ZKSCAN8: variants seen among roughly 807,000 people sequenced by gnomAD.
The protein encoded by ZKSCAN8 is zinc finger with KRAB and SCAN domains 8.
ZKSCAN8 carries 27 observed loss-of-function variants against 57.2 expected under a neutral mutation model. That is an observed-to-expected ratio of 0.47 (90% CI 0.35 to 0.65). ZKSCAN8 has a LOEUF of 0.65. ZKSCAN8 is among the 30% of genes least tolerant of loss of function. The pLI is 0.01. For missense variants in ZKSCAN8, 597 were observed against 696.3 expected, an observed-to-expected ratio of 0.86 and a Z score of 1.60; for synonymous variants, 214 against 248.7, an observed-to-expected ratio of 0.86 and a Z score of 1.31.
intron 3 of ZKSCAN8, 81 bp from the exon 4 acceptor site, chr6:28,151,764 A>C: frequency 8.6e-7 from 1 of 1,163,584 alleles, no homozygotes; most frequent in Non-Finnish European, 1.3e-6. Flanking sequence ...CTGAAATAAA[A>C]ATAATTTGGA....
chr6:28,154,953 A>G lies in ZKSCAN8; in HGVS notation c.*936A>G, dbSNP rs1765737041. 2.0e-5 allele frequency: 3 copies of G among 152,656 alleles called. No individual in the cohort carries two copies. The highest frequency in any genetic ancestry group is 7.2e-5 in the African/African-American group (3 of 41,450). 9.5% of individuals were successfully genotyped at this position (152,656 alleles called of 1,614,324 possible). The stretch of plus-strand genomic sequence containing the variant: ...GGAGACGAAGATGCTTTAGGAAGAT[A>G]AAAACCTTACAAAGAATGTATACTC... On this transcript the variant is annotated 3_prime_UTR_variant, in exon 6 of 6. Coordinates refer to ENST00000330236, the MANE Select transcript of ZKSCAN8 (RefSeq NM_006298.4).
Position 28,141,981 on chromosome 6 carries a change from A to T in ZKSCAN8, c.-141A>T, listed in dbSNP as rs1271280684. ...CCCCGACCTTCCTTCGAGTCTGTTT[A>T]TCCGTTGCAGCCTCCCTTCCCCACG... On this transcript the variant is annotated 5_prime_UTR_variant, in exon 1 of 6. Transcript: ENST00000330236. 1 of 152,302 alleles carries T rather than the reference A, an allele frequency of 6.6e-6. No individual in the cohort carries two copies. Among genetic ancestry groups the T allele is most frequent in the Non-Finnish European group, 1.5e-5 (1 of 68,112 alleles). The allele number at this position is 152,302 out of a possible 1,614,324, so 9.4% of individuals were successfully genotyped here.
In ZKSCAN8 at chr6:28,157,849, T is replaced by A. The variant is rs1225603; in HGVS notation, c.*3832T>A. 3.3e-5 allele frequency: 5 copies of A among 152,186 alleles called. No homozygotes were observed. The highest frequency in any genetic ancestry group is 1.2e-4 in the African/African-American group (5 of 41,432). 9.4% of individuals were successfully genotyped at this position (152,186 alleles called of 1,614,324 possible). On this transcript the variant is annotated 3_prime_UTR_variant, in exon 6 of 6. Transcript: ENST00000330236. ...ATTGTGGAGGGAAATGAAATATCCA[T>A]GTACCAGGCCAGGCAGATGGTCAGT...
Position 28,152,359 on chromosome 6 carries a change from A to T in ZKSCAN8, c.750A>T (p.Glu250Asp). Residue 250 changes from glutamate (E) to aspartate (D), a missense_variant, in exon 5 of 6, where the codon GAA becomes GAT. Transcript: ENST00000330236. ...ATCTGTGTAGAGATAACAGGCCAGAAAATTTCAGAAACATGTTCTCCCTGG... is the reference window on the plus strand; with the variant it reads ...ATCTGTGTAGAGATAACAGGCCAGATAATTTCAGAAACATGTTCTCCCTGG... ...QKDLCRDNRP[E>D]NFRNMFSLGG... 1 of 1,609,244 alleles carries T rather than the reference A, an allele frequency of 6.2e-7. No homozygotes were observed. Among genetic ancestry groups the T allele is most frequent in the Non-Finnish European group, 8.5e-7 (1 of 1,178,814 alleles).
rs188123704 is a variant in ZKSCAN8, at chr6:28,157,385, T to G, written c.*3368T>G. On this transcript the variant is annotated 3_prime_UTR_variant, in exon 6 of 6. Transcript: ENST00000330236. ...ATGGGACACAGCCAAACCATATCAATAGGTATTATTTTATCCCCCATTTTA... is the reference window on the plus strand; with the variant it reads ...ATGGGACACAGCCAAACCATATCAAGAGGTATTATTTTATCCCCCATTTTA... The G allele has an allele frequency of 2.6e-5, 4 of 152,220 alleles. No homozygotes were observed. In the East Asian group the frequency reaches 7.7e-4, roughly 29 times the overall value. The allele number at this position is 152,220 out of a possible 1,614,324, so 9.4% of individuals were successfully genotyped here. A position where few individuals can be genotyped will look rare whatever the true frequency, so the allele number is the denominator to read the frequency against.
chr6:28,146,210 G>T (rs1324463409), intron 1 of ZKSCAN8, among the ~76,000 whole-genome samples: 1 of 152,114 alleles, frequency 6.6e-6, no homozygotes, highest in African/African-American at 2.4e-5. Flanking sequence ...AATGTTCTTC[G>T]ATTCTATCAA....
At chr6:28,149,156 CTTA>C (rs986309203) in intron 2 of ZKSCAN8, among the ~76,000 whole-genome samples, 3 of 152,044 alleles carry the variant, frequency 2.0e-5, no homozygotes, top group African/African-American at 7.2e-5. Flanking sequence ...TTTCTAGTTC[CTTA>C]TTAAAAGATT....
intron 1 of ZKSCAN8, among the ~76,000 whole-genome samples, chr6:28,147,971 A>G (rs1042698673): frequency 6.6e-6 from 1 of 152,202 alleles, no homozygotes; most frequent in Non-Finnish European, 1.5e-5. Context: ...TGGTGTATCA[A>G]AGACTAAAAG....
intron 1 of ZKSCAN8, among the ~76,000 whole-genome samples, chr6:28,146,827 G>C (rs1765414042): frequency 1.3e-5 from 2 of 152,106 alleles, no homozygotes; most frequent in Admixed American, 6.5e-5. Context: ...ATAGTGAACT[G>C]ATATTTGACA....
At chr6:28,151,223 C>A (rs1319774740) in intron 3 of ZKSCAN8, among the ~76,000 whole-genome samples, 3 of 152,056 alleles carry the variant, frequency 2.0e-5, no homozygotes, top group Non-Finnish European at 4.4e-5. Context: ...TACTTTATTG[C>A]AGAATGAGGT....
rs1765803838 is a variant in ZKSCAN8 at position 28,156,975 on chromosome 6, C to G, written c.*2958C>G. 6.6e-6 allele frequency: 1 copy of G among 152,230 alleles called. No homozygotes were observed. The allele number at this position is 152,230 out of a possible 1,614,324, so 9.4% of individuals were successfully genotyped here. A position where few individuals can be genotyped will look rare whatever the true frequency, so the allele number is the denominator to read the frequency against. ...ATAGCCGACGTTTATTGAGCACTTA[C>G]TATGTGCCCAACCCTGTTATGCCTT... On this transcript the variant is annotated 3_prime_UTR_variant, in exon 6 of 6. Transcript: ENST00000330236.
In ZKSCAN8 at chr6:28,156,987, C is replaced by T. The variant is rs1765804088; in HGVS notation, c.*2970C>T. Reference sequence around the variant, plus strand: ...TATTGAGCACTTACTATGTGCCCAACCCTGTTATGCCTTTCTCAGGCTCAT... The same window carrying T: ...TATTGAGCACTTACTATGTGCCCAATCCTGTTATGCCTTTCTCAGGCTCAT... On this transcript the variant is annotated 3_prime_UTR_variant, in exon 6 of 6. Transcript: ENST00000330236. 1 of 152,182 alleles carries T rather than the reference C, an allele frequency of 6.6e-6. No homozygotes were observed. The highest frequency in any genetic ancestry group is 1.9e-4 in the East Asian group (1 of 5,194). 9.4% of individuals were successfully genotyped at this position (152,182 alleles called of 1,614,324 possible).
chr6:28,149,079 G>C lies in ZKSCAN8; in HGVS notation c.417+255G>C, dbSNP rs150086800. Among the ~76,000 whole-genome samples the C allele has an allele frequency of 7.2e-3, 1,095 of 152,268 alleles. 11 individuals are homozygous for C. Among genetic ancestry groups the C allele is most frequent in the African/African-American group, 0.022 (914 of 41,550 alleles). ...TGCCAGATGGGAACTTGATGCATAG[G>C]AAGCTTAAGTTAATTTTTCAGGGGT... On this transcript the variant is annotated intron_variant, in intron 2 of 5. Transcript: ENST00000330236.
chr6:28,151,617 C>G (rs1482549824), intron 3 of ZKSCAN8, among the ~76,000 whole-genome samples: 1 of 152,190 alleles, frequency 6.6e-6, no homozygotes, highest in African/African-American at 2.4e-5. Flanking sequence ...AGTATACTTT[C>G]TATTTTTGAG....
rs374416230 is a variant in ZKSCAN8 at position 28,148,376 on chromosome 6, G to A, written c.-32G>A. On this transcript the variant is annotated 5_prime_UTR_variant, in exon 2 of 6. Coordinates refer to ENST00000330236, the MANE Select transcript of ZKSCAN8 (RefSeq NM_006298.4). The stretch of plus-strand genomic sequence containing the variant: ...CTCTTAAGAAGATAAAGAAGGTAGT[G>A]GAAACGAACTTCCTGAGCTTTTCAG... The A allele has an allele frequency of 2.8e-4, 441 of 1,586,072 alleles. No homozygotes were observed. Among genetic ancestry groups the A allele is most frequent in the African/African-American group, 9.7e-4 (71 of 73,426 alleles).
chr6:28,151,743 A>G (rs1217105303), intron 3 of ZKSCAN8, 102 bp from the exon 4 acceptor site: 1 of 952,966 alleles, frequency 1.0e-6, no homozygotes, highest in Non-Finnish European at 1.7e-6. Flanking sequence ...TTTGGCATAC[A>G]TGTATATCTG....
In ZKSCAN8 at chr6:28,151,732, C is replaced by A. The variant is rs558332473; in HGVS notation, c.560-113C>A. On this transcript the variant is annotated intron_variant, in intron 3 of 5. Transcript: ENST00000330236. ...GATATCAGCACTTCATGTGCAAAATCTTTGGCATACATGTATATCTGCTGA... is the reference window on the plus strand; with the variant it reads ...GATATCAGCACTTCATGTGCAAAATATTTGGCATACATGTATATCTGCTGA... The A allele has an allele frequency of 4.7e-6, 4 of 849,538 alleles. No individual in the cohort carries two copies. In the East Asian group the frequency reaches 7.4e-5, roughly 16 times the overall value. 52.6% of individuals were successfully genotyped at this position (849,538 alleles called of 1,614,324 possible).
rs1410655651 is a variant in ZKSCAN8, at chr6:28,155,235, C to G, written c.*1218C>G. 17 of 152,294 alleles carry G rather than the reference C, an allele frequency of 1.1e-4. No individual in the cohort carries two copies. The highest frequency in any genetic ancestry group is 1.5e-5 in the Non-Finnish European group (1 of 68,034). The allele number at this position is 152,294 out of a possible 1,614,324, so 9.4% of individuals were successfully genotyped here. On this transcript the variant is annotated 3_prime_UTR_variant, in exon 6 of 6. Coordinates refer to ENST00000330236, the MANE Select transcript of ZKSCAN8 (RefSeq NM_006298.4). ...GGTGCACTCCATCTGTAATCCATGT[C>G]TATAATCTACCAACAAAGATGTACT...
intron 1 of ZKSCAN8, among the ~76,000 whole-genome samples, chr6:28,147,565 C>T (rs1475957581): frequency 6.6e-6 from 1 of 152,000 alleles, no homozygotes; most frequent in Non-Finnish European, 1.5e-5. Context: ...GATTAAAAAA[C>T]AAAAACAACT....
Sources: gnomAD v4.1 joint callset for allele counts (sites outside exome capture counted in the v4.1 genomes callset) on GRCh38, gnomAD v4.1.1 for gene constraint, MANE v1.5 for transcripts, NCBI Gene and HGNC (gene_info 2026-07-23, HGNC 2026-07-21) for gene names.